RBFOX1: variants seen among roughly 807,000 people sequenced by gnomAD.
The protein encoded by RBFOX1 is RNA binding fox-1 homolog 1, also known as RNA binding protein fox-1 homolog 1.
A neutral mutation model predicts 57.7 loss-of-function variants in RBFOX1; 8 were observed. That is an observed-to-expected ratio of 0.14 (90% CI 0.08 to 0.25). RBFOX1 has a LOEUF of 0.25. Ranked by LOEUF, RBFOX1 falls within the 10% of genes least tolerant of loss-of-function variation. RBFOX1 has a pLI of 1.00. For missense variants in RBFOX1, 611 were observed against 548.5 expected (o/e 1.11, Z -1.14); for synonymous variants, 326 against 222.4 (o/e 1.47, Z -4.15).
chr16:7,568,481 C>T (rs573430860), intron 5 of RBFOX1, among the ~76,000 whole-genome samples: 7 of 152,206 alleles, frequency 4.6e-5, no homozygotes, highest in Admixed American at 3.3e-4. Flanking sequence ...AGGTCACTTT[C>T]GTTGCCATCT....
rs150053623 is a variant in RBFOX1, at chr16:7,526,088, C to G, written c.270+7699C>G. Among the ~76,000 whole-genome samples, 711 of 152,300 alleles carry G rather than the reference C, an allele frequency of 4.7e-3. 1 individual carries two copies. Among genetic ancestry groups the G allele is most frequent in the Non-Finnish European group, 5.8e-3 (392 of 68,020 alleles). ...GTCAGATCAACAATGGCATTAGATT[C>G]TCAGAGAAGCGTGAACCCTATTGTG... On this transcript the variant is annotated intron_variant, in intron 5 of 15. Transcript: ENST00000550418.
intron 4 of RBFOX1, among the ~76,000 whole-genome samples, chr16:7,368,779 C>A (rs2097513272): frequency 7.9e-6 from 1 of 127,296 alleles, no homozygotes; most frequent in Non-Finnish European, 1.7e-5. Flanking sequence ...GACTCTGTCT[C>A]AAAAAAAAAA....
chr16:6,033,265 C>T (rs775410917), intron 1 of RBFOX1, among the ~76,000 whole-genome samples: 3 of 152,078 alleles, frequency 2.0e-5, no homozygotes, highest in South Asian at 4.1e-4. Context: ...GAGGTAGGGT[C>T]GTTTCTAGGC....
intron 1 of RBFOX1, among the ~76,000 whole-genome samples, chr16:6,112,441 A>G (rs1482691794): frequency 2.6e-5 from 4 of 152,216 alleles, no homozygotes; most frequent in Admixed American, 2.6e-4. Flanking sequence ...CTGTAATCCC[A>G]GCACTTTGGG....
intron 3 of RBFOX1, among the ~76,000 whole-genome samples, chr16:5,724,995 T>A (rs1469347425): frequency 6.6e-6 from 1 of 152,136 alleles, no homozygotes. Context: ...CCTTGCCCAT[T>A]GAGAAGGTTC....
chr16:5,473,683 ATGGT>A (rs1229879632), intron 2 of RBFOX1, among the ~76,000 whole-genome samples: 1 of 81,272 alleles, frequency 1.2e-5, no homozygotes, highest in South Asian at 5.1e-4. Flanking sequence ...GGGTGGGTAG[ATGGT>A]TGGATGGATG....
At chr16:5,974,642 A>C (rs922858351) in intron 4 of RBFOX1, among the ~76,000 whole-genome samples, 6 of 152,060 alleles carry the variant, frequency 3.9e-5, no homozygotes, top group African/African-American at 7.2e-5. Flanking sequence ...ATCTGTCCCC[A>C]ACCCAGGTTT....
chr16:6,159,395 G>A (rs11077007), intron 1 of RBFOX1, among the ~76,000 whole-genome samples: 12,900 of 152,130 alleles, frequency 0.085, 782 homozygotes, highest in Admixed American at 0.19. Context: ...AGGTTTTTGG[G>A]GGGAGAAGCT....
At chr16:7,400,296 G>A (rs74012552) in intron 4 of RBFOX1, among the ~76,000 whole-genome samples, 2,179 of 152,226 alleles carry the variant, frequency 0.014, 55 homozygotes, top group African/African-American at 0.05. Flanking sequence ...GGCAAGGATA[G>A]GCATTAAAAA....
chr16:7,093,608 G>A (rs1238860699), intron 4 of RBFOX1, among the ~76,000 whole-genome samples: 1 of 152,140 alleles, frequency 6.6e-6, no homozygotes, highest in East Asian at 1.9e-4. Context: ...GAAACTGGAT[G>A]GATCGAAAGT....
chr16:7,122,448 G>T (rs1170793562), intron 4 of RBFOX1, among the ~76,000 whole-genome samples: 2 of 151,896 alleles, frequency 1.3e-5, no homozygotes, highest in East Asian at 1.9e-4. Context: ...ACCTAAAAAA[G>T]AAACAAAAAA....
chr16:7,239,441 G>T (rs559519220), intron 4 of RBFOX1, among the ~76,000 whole-genome samples: 11 of 152,346 alleles, frequency 7.2e-5, no homozygotes, highest in Admixed American at 5.9e-4. Context: ...GGAGGTTTCA[G>T]TGAGCCTAGA....
chr16:7,464,735 C>T (rs1459267743), intron 4 of RBFOX1, among the ~76,000 whole-genome samples: 7 of 135,436 alleles, frequency 5.2e-5, no homozygotes, highest in Admixed American at 7.9e-5. Flanking sequence ...CTTGCTCTGT[C>T]GCCCAGGCTG....
intron 4 of RBFOX1, among the ~76,000 whole-genome samples, chr16:7,252,103 G>T (rs1240003102): frequency 1.3e-5 from 2 of 152,212 alleles, no homozygotes; most frequent in Non-Finnish European, 2.9e-5. Flanking sequence ...TCAGAAGGAA[G>T]AGAAGGGATT....
At chr16:5,731,201 TATC>T (rs976295191) in intron 3 of RBFOX1, among the ~76,000 whole-genome samples, 3 of 151,128 alleles carry the variant, frequency 2.0e-5, no homozygotes, top group Non-Finnish European at 2.9e-5. Flanking sequence ...GTGTCACCGT[TATC>T]ATCAAGATCA....
intron 2 of RBFOX1, among the ~76,000 whole-genome samples, chr16:6,524,350 A>G (rs2096549850): frequency 6.6e-6 from 1 of 152,036 alleles, no homozygotes; most frequent in Admixed American, 6.6e-5. Context: ...GCTGAATAGT[A>G]CTCCATTGTG....
chr16:7,166,268 ACTTC>A (rs2079490574), intron 4 of RBFOX1, among the ~76,000 whole-genome samples: 1 of 132,414 alleles, frequency 7.6e-6, no homozygotes, highest in Non-Finnish European at 1.7e-5. Context: ...CCCTTGTCGG[ACTTC>A]CCAAGTGCTG....
At chr16:7,329,725 G>A (rs994851896) in intron 4 of RBFOX1, among the ~76,000 whole-genome samples, 7 of 152,200 alleles carry the variant, frequency 4.6e-5, no homozygotes, top group African/African-American at 1.7e-4. Context: ...AGGTGGGAGG[G>A]ACAGCCCTTA....
intron 3 of RBFOX1, among the ~76,000 whole-genome samples, chr16:6,994,706 A>G (rs2091997002): frequency 6.6e-6 from 1 of 152,288 alleles, no homozygotes; most frequent in South Asian, 2.1e-4. Flanking sequence ...TTGTATTCTG[A>G]AAGTCCTGAA....
Sources: gnomAD v4.1 joint callset for allele counts (sites outside exome capture counted in the v4.1 genomes callset) on GRCh38, gnomAD v4.1.1 for gene constraint, MANE v1.5 for transcripts, NCBI Gene and HGNC (gene_info 2026-07-23, HGNC 2026-07-21) for gene names.